CARD19: variants seen among roughly 807,000 people sequenced by gnomAD.
The protein encoded by CARD19 is caspase recruitment domain-containing protein 19.
In CARD19, 25 loss-of-function variants were observed where a neutral mutation model predicts 24.1. The observed-to-expected ratio is 1.04, with a 90% confidence interval of 0.76 to 1.45. CARD19 has a LOEUF of 1.45. Among genes scored for constraint, CARD19 ranks in the 40% most tolerant of loss-of-function variants. CARD19 has a pLI of 0.00. For missense variants in CARD19, 241 were observed against 247.4 expected (o/e 0.97, Z 0.17); for synonymous variants, 103 against 104.9 (o/e 0.98, Z 0.11).
At chr9:93,112,130 AC>A in intron 4 of CARD19, 87 bp from the exon 5 acceptor site, 1 of 1,406,402 alleles carries the variant, frequency 7.1e-7, no homozygotes, top group Non-Finnish European at 9.7e-7. Flanking sequence ...TCAGCCTGGC[AC>A]CCCCACTCCC....
intron 1 of CARD19, among the ~76,000 whole-genome samples, chr9:93,102,655 T>A (rs1168668588): frequency 6.7e-6 from 1 of 150,048 alleles, no homozygotes; most frequent in Non-Finnish European, 1.5e-5. Flanking sequence ...TGTTGTTGTT[T>A]TTTTTTTTTT....
At chr9:93,098,420 A>G (rs1243657200) in intron 1 of CARD19, among the ~76,000 whole-genome samples, 1 of 152,230 alleles carries the variant, frequency 6.6e-6, no homozygotes, top group Non-Finnish European at 1.5e-5. Context: ...GGCTGAGGGC[A>G]TCAGTCTGGG....
rs1193429461 is a variant in CARD19, at chr9:93,113,199, A to G, written c.*92A>G. ...GACTGCTGCTTCTTTTTCTAAATGC[A>G]TATTTTTCATTATTTATAATTTGTG... On this transcript the variant is annotated 3_prime_UTR_variant, in exon 6 of 6. Coordinates refer to ENST00000375464, the MANE Select transcript of CARD19 (RefSeq NM_032310.5). The G allele has an allele frequency of 4.2e-6, 3 of 711,254 alleles. No homozygotes were observed. Among genetic ancestry groups the G allele is most frequent in the Non-Finnish European group, 4.6e-6 (2 of 434,172 alleles). 44.1% of individuals were successfully genotyped at this position (711,254 alleles called of 1,614,324 possible).
chr9:93,111,962 C>G lies in CARD19; in HGVS notation c.364+24C>G, dbSNP rs373531895. 3.6e-5 allele frequency: 57 copies of G among 1,578,232 alleles called. No individual in the cohort carries two copies. In the African/African-American group the frequency reaches 6.2e-4, roughly 17 times the overall value. The stretch of plus-strand genomic sequence containing the variant: ...GGGTAACACCTCCCTGCTGCCCCTC[C>G]CTCTCTCTCCCTCTCTCTCCCTCTC... On this transcript the variant is annotated intron_variant, in intron 4 of 5. Coordinates refer to ENST00000375464, the MANE Select transcript of CARD19 (RefSeq NM_032310.5).
Position 93,106,430 on chromosome 9 carries a change from A to AAAAAAAAAAG in CARD19, c.8-1244_8-1243insAAAAAAAAAG, listed in dbSNP as rs1827259158. Among the ~76,000 whole-genome samples the AAAAAAAAAAG allele has an allele frequency of 9.3e-5, 14 of 149,972 alleles. No individual in the cohort carries two copies. In the Admixed American group the frequency reaches 9.4e-4, roughly 10 times the overall value. On this transcript the variant is annotated intron_variant, in intron 1 of 5. Coordinates refer to ENST00000375464, the MANE Select transcript of CARD19 (RefSeq NM_032310.5). ...TGTCTCTACTAAAAAAAAAAAAAAA[A>AAAAAAAAAAG]TACAAAAACCAGCTGGGTGTTGTGG...
In CARD19 at chr9:93,110,883, G is replaced by A. The variant is rs569878098; in HGVS notation, c.304+162G>A. 4.8e-5 allele frequency: 74 copies of A among 1,533,260 alleles called. No individual in the cohort carries two copies. In the African/African-American group the frequency reaches 9.8e-4, roughly 20 times the overall value. The allele number at this position is 1,533,260 out of a possible 1,614,324, so 95.0% of individuals were successfully genotyped here. Reference sequence around the variant, plus strand: ...AGCCCCTCCCCAGAGGCCACCCTCTGGCCCCGAGGGGAGAGTGTGGCAGGC... The same window carrying A: ...AGCCCCTCCCCAGAGGCCACCCTCTAGCCCCGAGGGGAGAGTGTGGCAGGC... On this transcript the variant is annotated intron_variant, in intron 3 of 5. Coordinates refer to ENST00000375464, the MANE Select transcript of CARD19 (RefSeq NM_032310.5).
At chr9:93,109,469 G>GT (rs1481222412) in intron 2 of CARD19, among the ~76,000 whole-genome samples, 1 of 87,776 alleles carries the variant, frequency 1.1e-5, no homozygotes, top group Non-Finnish European at 2.8e-5. Flanking sequence ...CAATACTTCT[G>GT]TCTTTTTTTT....
intron 1 of CARD19, among the ~76,000 whole-genome samples, chr9:93,100,609 C>T (rs1827041855): frequency 6.6e-6 from 1 of 152,234 alleles, no homozygotes. Flanking sequence ...GTGTACACTT[C>T]AGTGATACTA....
intron 3 of CARD19, chr9:93,111,569 G>C (rs535459732): frequency 4.0e-6 from 5 of 1,264,706 alleles, no homozygotes; most frequent in Admixed American, 3.6e-5. Flanking sequence ...AGGTGGGACT[G>C]GCTCTCCCTC....
intron 1 of CARD19, among the ~76,000 whole-genome samples, chr9:93,101,768 A>C (rs998721988): frequency 2.0e-5 from 3 of 151,646 alleles, no homozygotes; most frequent in Non-Finnish European, 4.4e-5. Flanking sequence ...TAGATTTTTG[A>C]GGACCTGCCA....
intron 1 of CARD19, among the ~76,000 whole-genome samples, chr9:93,098,175 G>A (rs1229915844): frequency 6.6e-6 from 1 of 152,214 alleles, no homozygotes; most frequent in Non-Finnish European, 1.5e-5. Context: ...TGAGAGAAGG[G>A]GTTTCCTGGA....
In CARD19 at chr9:93,111,882, A is replaced by G. The variant is rs748194460; in HGVS notation, c.308A>G (p.Asn103Ser). 3.1e-6 allele frequency: 5 copies of G among 1,611,710 alleles called. No individual in the cohort carries two copies. The South Asian group carries it at 4.4e-5, about 14-fold the overall frequency. The part of the protein sequence containing the change: ...SRLPSRHALQ[N>S]SDCTELDSGS... ...TGCTCTGTGGTTTTGTTTCCAGAGA[A>G]CTCAGATTGCACAGAGCTAGACTCG... is the stretch of plus-strand genomic sequence containing the variant. Residue 103 changes from asparagine (N) to serine (S), a missense_variant, in exon 4 of 6, where the codon AAC becomes AGC. Asn to Ser is a conservative substitution (Grantham distance 46, BLOSUM62 1). Transcript: ENST00000375464.
In CARD19 at chr9:93,107,679, A is replaced by C. The variant is rs778853461; in HGVS notation, c.13A>C (p.Thr5Pro). The C allele has an allele frequency of 1.9e-6, 3 of 1,614,148 alleles. No homozygotes were observed. The highest frequency in any genetic ancestry group is 2.5e-6 in the Non-Finnish European group (3 of 1,180,026). Reference sequence around the variant, plus strand: ...CCCTGTGCTATCTGTTTTAGATCAGACCTATTGTGACCGCCTGGTGCAGGA... The same window carrying C: ...CCCTGTGCTATCTGTTTTAGATCAGCCCTATTGTGACCGCCTGGTGCAGGA... MTDQ[T>P]YCDRLVQDTP... is the part of the protein sequence containing the mutation. Residue 5 changes from threonine (T) to proline (P), a missense_variant, in exon 2 of 6, where the codon ACC becomes CCC. Physicochemically the swap from Thr to Pro is conservative, Grantham distance 38. Coordinates refer to ENST00000375464, the MANE Select transcript of CARD19 (RefSeq NM_032310.5).
intron 5 of CARD19, 73 bp downstream of exon 5, chr9:93,112,362 C>A: frequency 7.3e-7 from 1 of 1,363,646 alleles, no homozygotes; most frequent in Non-Finnish European, 1.0e-6. Flanking sequence ...CCAGACCCTG[C>A]CCAATTTGGG....
At chr9:93,102,683 G>A (rs984590081) in intron 1 of CARD19, among the ~76,000 whole-genome samples, 7 of 148,706 alleles carry the variant, frequency 4.7e-5, no homozygotes, top group African/African-American at 1.7e-4. Context: ...TTTTGTTGTT[G>A]GCTATACAGG....
In CARD19 at chr9:93,096,247, C is replaced by A; in HGVS notation, c.-99C>A. The A allele has an allele frequency of 8.5e-7, 1 of 1,173,016 alleles. No homozygotes were observed. The highest frequency in any genetic ancestry group is 1.1e-6 in the Non-Finnish European group (1 of 937,442). 72.7% of individuals were successfully genotyped at this position (1,173,016 alleles called of 1,614,324 possible). A position where few individuals can be genotyped will look rare whatever the true frequency, so the allele number is the denominator to read the frequency against. ...GGGGCGGGCGAGCACGGCCCGCGGG[C>A]GGCGTTCGCTGGAGCTGGTGGACCG... On this transcript the variant is annotated 5_prime_UTR_variant, in exon 1 of 6. Coordinates refer to ENST00000375464, the MANE Select transcript of CARD19 (RefSeq NM_032310.5). This position sits in a 1 kb window ranked among gnomAD's most constrained non-coding sequence, Gnocchi z 5.4.
Position 93,107,708 on chromosome 9 carries a change from G to A in CARD19, c.42G>A (p.Thr14=), listed in dbSNP as rs770515947. The A allele has an allele frequency of 1.4e-5, 23 of 1,614,106 alleles. No homozygotes were observed. Among genetic ancestry groups the A allele is most frequent in the Admixed American group, 1.3e-4 (8 of 60,004 alleles). ...QTYCDRLVQD[T]PFLTGHGRLS... is the part of the protein sequence containing the mutation. ...ATTGTGACCGCCTGGTGCAGGACAC[G>A]CCTTTCCTGACAGGCCATGGGCGCT... The change falls in exon 2 of 6, where the codon ACG becomes ACA. Residue 14 remains threonine (T), a synonymous_variant. Coordinates refer to ENST00000375464, the MANE Select transcript of CARD19 (RefSeq NM_032310.5).
chr9:93,105,199 T>TGC (rs1827211505), intron 1 of CARD19, among the ~76,000 whole-genome samples: 1 of 792 alleles, frequency 1.3e-3, no homozygotes, highest in African/African-American at 4.1e-3. Context: ...TGTGTGTGCG[T>TGC]GTGTGTGTGT....
intron 1 of CARD19, among the ~76,000 whole-genome samples, chr9:93,103,451 C>A (rs534295073): frequency 6.6e-6 from 1 of 152,092 alleles, no homozygotes; most frequent in Non-Finnish European, 1.5e-5. Context: ...CTATGTAAAT[C>A]GTTGTTGTAC....
Sources: gnomAD v4.1 joint callset for allele counts (sites outside exome capture counted in the v4.1 genomes callset) on GRCh38, gnomAD v4.1.1 for gene constraint, Gnocchi (gnomAD v3.1) non-coding constraint, MANE v1.5 for transcripts, NCBI Gene and HGNC (gene_info 2026-07-23, HGNC 2026-07-21) for gene names.